Variants in SPTA1 observed in about 807,000 individuals in gnomAD.
SPTA1 encodes spectrin alpha, erythrocytic 1, also known as spectrin alpha chain, erythrocytic 1.
Under a neutral mutation model 324.7 loss-of-function variants are expected in SPTA1, and 177 were observed. The ratio of observed to expected loss-of-function variants is 0.55; its 90% CI spans 0.48 to 0.62. The LOEUF (loss-of-function observed/expected upper bound fraction) is 0.62. Ranked by LOEUF, SPTA1 falls within the 20% of genes least tolerant of loss-of-function variation. The probability of loss-of-function intolerance (pLI) is 0.00; values close to 1 mark genes in which losing one functional copy is unlikely to be tolerated. For synonymous variants in SPTA1, 1,195 were observed against 1,041.3 expected (o/e 1.15, Z -2.84); for missense variants, 3,162 against 2,883.6 (o/e 1.10, Z -2.21).
In SPTA1 at chr1:158,611,341, A is replaced by G. The variant is rs144692310; in HGVS notation, c.7183T>C (p.Tyr2395His). The G allele has an allele frequency of 4.8e-5, 78 of 1,613,736 alleles. No homozygotes were observed. The African/African-American group carries it at 9.3e-4, about 19-fold the overall frequency. Residue 2395 changes from tyrosine (Y) to histidine (H), a missense_variant, in exon 52 of 52, where the codon TAT becomes CAT. Tyr to His is a moderately conservative substitution (Grantham distance 83, BLOSUM62 2). Coordinates refer to ENST00000643759, the MANE Select transcript of SPTA1 (RefSeq NM_003126.4). ...VSFCATHMQQ[Y>H]MDPRGRSHLS... ...TGGCTTCGACCCCGTGGGTCCATAT[A>G]TTGCTGCATATGTGTGGCACAGAAT... is the stretch of plus-strand genomic sequence containing the variant.
rs1273254402 is a variant in SPTA1, at chr1:158,644,327, C to G, written c.4264G>C (p.Asp1422His). The G allele has an allele frequency of 3.7e-6, 6 of 1,613,930 alleles. No homozygotes were observed. In the African/African-American group the frequency reaches 8.0e-5, roughly 22 times the overall value. Reference protein sequence around the residue: ...VARENSLRSDDKSSLDSLEAL... With the variant: ...VARENSLRSDHKSSLDSLEAL... ...TCCAGACTGTCTAAGGAACTTTTGT[C>G]ATCTGACCTCAGGGAATTCTCACGT... The change falls in exon 30 of 52, where the codon GAC becomes CAC. Residue 1422 changes from aspartate to histidine, a missense_variant. Coordinates refer to ENST00000643759, the MANE Select transcript of SPTA1 (RefSeq NM_003126.4).
In SPTA1 at chr1:158,672,161, C is replaced by T. The variant is rs1654072702; in HGVS notation, c.1386G>A (p.Leu462=). ...EILDNNWTAL[L]ELWDERHRQY... is the part of the protein sequence containing the mutation. The stretch of plus-strand genomic sequence containing the variant: ...GACGATGACGCTCGTCCCACAGTTC[C>T]AGCAGGGCAGTCCAGTTGTTGTCAA... The change falls in exon 11 of 52, where the codon CTG becomes CTA. Residue 462 remains leucine (L), a synonymous_variant. Transcript: ENST00000643759. 8.7e-6 allele frequency: 14 copies of T among 1,614,020 alleles called. No individual in the cohort carries two copies. Among genetic ancestry groups the T allele is most frequent in the East Asian group, 2.2e-5 (1 of 44,864 alleles).
Position 158,646,429 on chromosome 1 carries a change from A to G in SPTA1, c.3897-835T>C, listed in dbSNP as rs73018240. Among the ~76,000 whole-genome samples, 831 of 152,326 alleles carry G rather than the reference A, an allele frequency of 5.5e-3. 4 individuals are homozygous for G. The highest frequency in any genetic ancestry group is 0.019 in the African/African-American group (790 of 41,586). ...GTACCAAACATTGTGAAAAAGGCAT[A>G]TCTGTGCCTTCTAGGAACTCATACT... On this transcript the variant is annotated intron_variant, in intron 27 of 51. Coordinates refer to ENST00000643759, the MANE Select transcript of SPTA1 (RefSeq NM_003126.4).
chr1:158,653,566 T>C (rs1341013556), intron 21 of SPTA1, 141 bp from the exon 22 acceptor site: 1 of 1,124,264 alleles, frequency 8.9e-7, no homozygotes, highest in Admixed American at 2.0e-5. Flanking sequence ...TGGCACATAA[T>C]TTTCATATAT....
intron 21 of SPTA1, among the ~76,000 whole-genome samples, chr1:158,654,087 T>G (rs1652657021): frequency 1.3e-5 from 2 of 152,198 alleles, no homozygotes; most frequent in African/African-American, 4.8e-5. Context: ...GTAGATTAAT[T>G]AGGTATCAGA....
rs551778028 is a variant in SPTA1, at chr1:158,658,530, C to A, written c.2588-836G>T. Among the ~76,000 whole-genome samples, 6 of 152,310 alleles carry A rather than the reference C, an allele frequency of 3.9e-5. No homozygotes were observed. In the South Asian group the frequency reaches 1.0e-3, roughly 26 times the overall value. On this transcript the variant is annotated intron_variant, in intron 18 of 51. Coordinates refer to ENST00000643759, the MANE Select transcript of SPTA1 (RefSeq NM_003126.4). Reference sequence around the variant, plus strand: ...ATCAAAGTGGAAAAATATTGTAATACATGAGATAGGGTCCTCAGAAGAGTA... The same window carrying A: ...ATCAAAGTGGAAAAATATTGTAATAAATGAGATAGGGTCCTCAGAAGAGTA...
At chr1:158,659,416 A>C (rs963266267) in intron 18 of SPTA1, among the ~76,000 whole-genome samples, 1 of 151,886 alleles carries the variant, frequency 6.6e-6, no homozygotes, top group Non-Finnish European at 1.5e-5. Context: ...ATATAGTTAG[A>C]CTGATTAATA....
intron 33 of SPTA1, among the ~76,000 whole-genome samples, chr1:158,641,247 G>T (rs980560825): frequency 1.1e-4 from 16 of 152,070 alleles, no homozygotes; most frequent in African/African-American, 3.9e-4. Context: ...ACATAGGCAT[G>T]GGCAAGGACT....
chr1:158,637,994 C>T (rs776801821), intron 36 of SPTA1, 39 bp downstream of exon 36: 1 of 1,599,468 alleles, frequency 6.3e-7, no homozygotes, highest in South Asian at 1.1e-5. Flanking sequence ...TATCTACTCG[C>T]TTGTATTATC....
rs964426150 is a variant in SPTA1 at position 158,680,849 on chromosome 1, G to T, written c.532-120C>A. On this transcript the variant is annotated intron_variant, in intron 4 of 51. Transcript: ENST00000643759. Reference sequence around the variant, plus strand: ...TCAAATGGAGATACTGGGGGAGACTGGGAGAAGCTCTCCTGGAAAAGGCCA... The same window carrying T: ...TCAAATGGAGATACTGGGGGAGACTTGGAGAAGCTCTCCTGGAAAAGGCCA... 4.3e-5 allele frequency: 58 copies of T among 1,335,428 alleles called. No homozygotes were observed. In the Admixed American group the frequency reaches 9.5e-4, roughly 22 times the overall value. The allele number at this position is 1,335,428 out of a possible 1,614,324, so 82.7% of individuals were successfully genotyped here. A position where few individuals can be genotyped will look rare whatever the true frequency, so the allele number is the denominator to read the frequency against.
intron 29 of SPTA1, 30 bp downstream of exon 29, chr1:158,645,158 C>A (rs564889284): frequency 8.4e-5 from 136 of 1,612,526 alleles, no homozygotes; most frequent in Middle Eastern, 1.6e-4. Context: ...GACTACTGAA[C>A]CTGCTTAACA....
chr1:158,668,144 C>T, intron 14 of SPTA1, 82 bp from the exon 15 acceptor site: 2 of 1,425,480 alleles, frequency 1.4e-6, no homozygotes, highest in Non-Finnish European at 1.9e-6. Flanking sequence ...GGTTACTTCT[C>T]ACTATAAATC....
intron 33 of SPTA1, among the ~76,000 whole-genome samples, chr1:158,641,070 A>G (rs1354944256): frequency 6.6e-6 from 1 of 152,230 alleles, no homozygotes; most frequent in Non-Finnish European, 1.5e-5. Context: ...AGGATTCCCT[A>G]TTTAATAAAT....
Position 158,612,901 on chromosome 1 carries a change from G to A in SPTA1, c.7050C>T (p.Asn2350=). The change falls in exon 51 of 52, where the codon AAC becomes AAT. Residue 2350 remains asparagine (N), a synonymous_variant. Transcript: ENST00000643759. ...TAFLIDKESE[N]IKSSDEIENA... ...TCTCTATTTCATCACTGGACTTGAT[G>A]TTTTCTGACTCCTTGTCAATCAGGA... is the stretch of plus-strand genomic sequence containing the variant. 1 of 1,613,944 alleles carries A rather than the reference G, an allele frequency of 6.2e-7. No individual in the cohort carries two copies. Among genetic ancestry groups the A allele is most frequent in the South Asian group, 1.1e-5 (1 of 91,084 alleles).
intron 18 of SPTA1, among the ~76,000 whole-genome samples, chr1:158,660,648 C>T (rs527854722): frequency 6.6e-6 from 1 of 152,252 alleles, no homozygotes; most frequent in African/African-American, 2.4e-5. Flanking sequence ...AAGTTTTTCT[C>T]AGCAAACTGA....
intron 10 of SPTA1, among the ~76,000 whole-genome samples, chr1:158,672,523 C>T (rs1333656574): frequency 6.6e-6 from 1 of 152,070 alleles, no homozygotes; most frequent in Non-Finnish European, 1.5e-5. Context: ...GACTTAATGC[C>T]ATAAGCAAAT....
intron 44 of SPTA1, among the ~76,000 whole-genome samples, chr1:158,619,707 A>G (rs553986778): frequency 6.6e-6 from 1 of 152,318 alleles, no homozygotes; most frequent in South Asian, 2.1e-4. Flanking sequence ...AAAAATGGTG[A>G]TATTGTGGTT....
chr1:158,623,461 T>C (rs1325402224), intron 42 of SPTA1, among the ~76,000 whole-genome samples: 1 of 152,186 alleles, frequency 6.6e-6, no homozygotes, highest in Non-Finnish European at 1.5e-5. Flanking sequence ...TCAAGTTGAA[T>C]TGTAGTTCCC....
chr1:158,663,039 C>G, intron 16 of SPTA1, 94 bp from the exon 17 acceptor site: 1 of 1,534,166 alleles, frequency 6.5e-7, no homozygotes, highest in South Asian at 1.1e-5. Context: ...ATGGGAAAAT[C>G]AGTTCCCATA....
Sources: gnomAD v4.1 joint callset for allele counts (sites outside exome capture counted in the v4.1 genomes callset) on GRCh38, gnomAD v4.1.1 for gene constraint, MANE v1.5 for transcripts, NCBI Gene and HGNC (gene_info 2026-07-23, HGNC 2026-07-21) for gene names.